CHRM2: variants seen among roughly 807,000 people sequenced by gnomAD.
The protein encoded by CHRM2 is cholinergic receptor muscarinic 2, also known as muscarinic acetylcholine receptor M2.
CHRM2 carries 8 observed loss-of-function variants against 25.0 expected under a neutral mutation model. The observed-to-expected ratio is 0.32, with a 90% confidence interval of 0.19 to 0.58. CHRM2 has a LOEUF of 0.58. Ranked by LOEUF, CHRM2 falls within the 20% of genes least tolerant of loss-of-function variation. CHRM2 has a pLI of 0.88. For missense variants in CHRM2, 440 were observed against 567.1 expected (o/e 0.78, Z 2.28); for synonymous variants, 202 against 205.7 (o/e 0.98, Z 0.15).
At chr7:136,920,247 T>C (rs561421343) in intron 2 of CHRM2, among the ~76,000 whole-genome samples, 44 of 152,284 alleles carry the variant, frequency 2.9e-4, no homozygotes, top group African/African-American at 1.0e-3. Flanking sequence ...TGTGTCCCCT[T>C]AGTTATGATA....
At chr7:136,914,916 A>C (rs1798024536) in intron 2 of CHRM2, among the ~76,000 whole-genome samples, 1 of 151,960 alleles carries the variant, frequency 6.6e-6, no homozygotes, top group African/African-American at 2.4e-5. Flanking sequence ...TAAGAAGGGC[A>C]TTGGTTCTTT....
chr7:136,997,749 A>C (rs1803699567), intron 3 of CHRM2, among the ~76,000 whole-genome samples: 1 of 152,168 alleles, frequency 6.6e-6, no homozygotes, highest in African/African-American at 2.4e-5. Flanking sequence ...ACTCTTCCTT[A>C]CCCTTGGCAA....
chr7:136,945,870 T>A (rs1800044634), intron 2 of CHRM2, among the ~76,000 whole-genome samples: 1 of 152,172 alleles, frequency 6.6e-6, no homozygotes, highest in Non-Finnish European at 1.5e-5. Flanking sequence ...GCAATTCCTA[T>A]CTTATTTAAT....
chr7:136,894,528 C>T (rs770326235), intron 2 of CHRM2, among the ~76,000 whole-genome samples: 122 of 152,090 alleles, frequency 8.0e-4, no homozygotes, highest in Middle Eastern at 6.8e-3. Context: ...CATGCCACCA[C>T]GCCTGACTAA....
intron 2 of CHRM2, among the ~76,000 whole-genome samples, chr7:136,933,990 T>TA (rs1267120854): frequency 6.6e-6 from 1 of 152,132 alleles, no homozygotes; most frequent in Admixed American, 6.5e-5. Context: ...CAGAAGATGG[T>TA]AAAAAATGTT....
chr7:136,973,202 G>A (rs578154031), intron 2 of CHRM2, among the ~76,000 whole-genome samples: 2 of 107,132 alleles, frequency 1.9e-5, no homozygotes, highest in Admixed American at 1.8e-4. Flanking sequence ...TGGTGGCGAC[G>A]GTGTTAGGGA....
At chr7:136,933,049 CATAA>C (rs1270895095) in intron 2 of CHRM2, among the ~76,000 whole-genome samples, 2 of 120,300 alleles carry the variant, frequency 1.7e-5, no homozygotes, top group Admixed American at 8.5e-5. Context: ...TAAATAAATA[CATAA>C]ATAAATAAAT....
At chr7:136,974,995 A>AG (rs1335440101) in intron 2 of CHRM2, among the ~76,000 whole-genome samples, 1 of 152,236 alleles carries the variant, frequency 6.6e-6, no homozygotes, top group Non-Finnish European at 1.5e-5. Flanking sequence ...AGGTTTAAAA[A>AG]TTATAGGAAG....
chr7:136,949,459 T>TAAAAAACAAAAAAAAAAAA (rs1800263298), intron 2 of CHRM2, among the ~76,000 whole-genome samples: 1 of 120,856 alleles, frequency 8.3e-6, no homozygotes, highest in African/African-American at 3.3e-5. Context: ...TCTGCAAAAC[T>TAAAAAACAAAAAAAAAAAA]AAAAAAAAAA....
intron 2 of CHRM2, among the ~76,000 whole-genome samples, chr7:136,956,401 C>A (rs1203547950): frequency 6.6e-6 from 1 of 152,132 alleles, no homozygotes; most frequent in African/African-American, 2.4e-5. Flanking sequence ...GGGGAAATGT[C>A]AACTCTTAGT....
At chr7:136,897,697 G>GAAA (rs35775059) in intron 2 of CHRM2, among the ~76,000 whole-genome samples, 14 of 148,072 alleles carry the variant, frequency 9.5e-5, no homozygotes, top group Non-Finnish European at 1.0e-4. Context: ...ACAGTCATGG[G>GAAA]AAAAAAAAAA....
At chr7:136,910,188 T>C (rs1001246295) in intron 2 of CHRM2, among the ~76,000 whole-genome samples, 4 of 151,902 alleles carry the variant, frequency 2.6e-5, no homozygotes, top group Non-Finnish European at 5.9e-5. Context: ...TCACCTTATA[T>C]TTAATATTTA....
chr7:136,901,461 A>C (rs1221566273), intron 2 of CHRM2, among the ~76,000 whole-genome samples: 1 of 152,002 alleles, frequency 6.6e-6, no homozygotes, highest in Non-Finnish European at 1.5e-5. Context: ...TTCATACAAA[A>C]CACATTTATT....
chr7:136,922,277 C>T (rs1323858986), intron 2 of CHRM2, among the ~76,000 whole-genome samples: 1 of 152,212 alleles, frequency 6.6e-6, no homozygotes, highest in Non-Finnish European at 1.5e-5. Flanking sequence ...AATCCCTTTG[C>T]ATTTGCTCTG....
At chr7:136,888,564 T>G (rs941998375) in intron 2 of CHRM2, among the ~76,000 whole-genome samples, 36 of 151,446 alleles carry the variant, frequency 2.4e-4, no homozygotes, top group Admixed American at 6.6e-5. Flanking sequence ...TGGTGGGGAG[T>G]GAGTTTAAGA....
chr7:136,933,420 A>G (rs1484629054), intron 2 of CHRM2, among the ~76,000 whole-genome samples: 1 of 152,222 alleles, frequency 6.6e-6, no homozygotes, highest in African/African-American at 2.4e-5. Flanking sequence ...GCTATAATCA[A>G]AAAGATAATA....
chr7:136,894,749 T>C (rs1038608385), intron 2 of CHRM2, among the ~76,000 whole-genome samples: 14 of 152,214 alleles, frequency 9.2e-5, no homozygotes, highest in Non-Finnish European at 1.2e-4. Flanking sequence ...TTTTTAAAAA[T>C]ATAAATAATA....
At chr7:136,892,461 G>GA (rs35290476) in intron 2 of CHRM2, among the ~76,000 whole-genome samples, 2,818 of 147,430 alleles carry the variant, frequency 0.019, 82 homozygotes, top group African/African-American at 0.065. Context: ...TCAAGGACAA[G>GA]AAAAAAAAAA....
chr7:136,880,337 A>G (rs1796217242), intron 2 of CHRM2, among the ~76,000 whole-genome samples: 1 of 151,956 alleles, frequency 6.6e-6, no homozygotes, highest in Non-Finnish European at 1.5e-5. Flanking sequence ...TTGGGAATCC[A>G]GATCATTGAA....
Sources: allele counts gnomAD v4.1 joint callset (sites outside exome capture counted in the v4.1 genomes callset), GRCh38; gene constraint gnomAD v4.1.1; transcripts MANE v1.5; gene names NCBI Gene and HGNC (gene_info 2026-07-23, HGNC 2026-07-21).